The following CR1L variants were observed in gnomAD, a reference collection of about 807,000 sequenced individuals.
CR1L encodes the protein complement component receptor 1-like protein.
A neutral mutation model predicts 62.3 loss-of-function variants in CR1L; 59 were observed. The ratio of observed to expected loss-of-function variants is 0.95; its 90% CI spans 0.77 to 1.18. The LOEUF is 1.18. Ranked by LOEUF, CR1L falls within the 50% of genes most tolerant of loss-of-function variation. The probability of loss-of-function intolerance (pLI) is 0.00; values close to 1 mark genes in which losing one functional copy is unlikely to be tolerated. For synonymous variants in CR1L, 279 were observed against 248.7 expected (o/e 1.12, Z -1.15); for missense variants, 700 against 702.8 (o/e 1.00, Z 0.04).
chr1:207,657,224 C>T, intron 1 of CR1L: 1 of 1,447,994 alleles, frequency 6.9e-7, no homozygotes, highest in Non-Finnish European at 9.7e-7. Flanking sequence ...TAGTTGTGAT[C>T]CTGCACCTGG....
In CR1L at chr1:207,711,166, G is replaced by A. The variant is rs550770120; in HGVS notation, c.1414+2903G>A. 7.9e-5 allele frequency among the ~76,000 whole-genome samples: 12 copies of A among 152,248 alleles called. No homozygotes were observed. In the East Asian group the frequency reaches 2.3e-3, roughly 29 times the overall value. Reference sequence around the variant, plus strand: ...TAAAACAACACTGTCTTATTTAAGGGCTTGTGTTTTTGATGGCTCATCTTG... The same window carrying A: ...TAAAACAACACTGTCTTATTTAAGGACTTGTGTTTTTGATGGCTCATCTTG... On this transcript the variant is annotated intron_variant, in intron 10 of 11. Transcript: ENST00000508064.
chr1:207,695,652 C>T (rs1664067434), intron 5 of CR1L, among the ~76,000 whole-genome samples: 1 of 152,166 alleles, frequency 6.6e-6, no homozygotes, highest in Non-Finnish European at 1.5e-5. Context: ...AAAGAACTAC[C>T]TGAGACTGGG....
At position 207,694,736 on chromosome 1, in the gene CR1L, C is replaced by A; in HGVS notation, c.847C>A (p.Pro283Thr). ...QALNKWEPELPSCSRVCQPPP... is the reference protein window; with the variant it reads ...QALNKWEPELTSCSRVCQPPP... ...CCTGAACAAATGGGAGCCAGAGTTA[C>A]CAAGCTGCTCCAGGGGTGAGTCTGA... Residue 283 changes from proline (P) to threonine (T), a missense_variant, in exon 5 of 12, where the codon CCA becomes ACA. Coordinates refer to ENST00000508064, the MANE Select transcript of CR1L (RefSeq NM_175710.2). 6.2e-7 allele frequency: 1 copy of A among 1,611,892 alleles called. No individual in the cohort carries two copies. Among genetic ancestry groups the A allele is most frequent in the Non-Finnish European group, 8.5e-7 (1 of 1,179,730 alleles).
chr1:207,654,803 G>C (rs1014465885), intron 1 of CR1L, among the ~76,000 whole-genome samples: 28 of 152,166 alleles, frequency 1.8e-4, no homozygotes, highest in Admixed American at 6.5e-5. Context: ...CTAGTAAGTT[G>C]GGAAGCAGAG....
In CR1L at chr1:207,684,046, T is replaced by C. The variant is rs556780767; in HGVS notation, c.463+89T>C. On this transcript the variant is annotated intron_variant, in intron 4 of 11. Coordinates refer to ENST00000508064, the MANE Select transcript of CR1L (RefSeq NM_175710.2). Reference sequence around the variant, plus strand: ...AAAAATCTTAACCGAATTCCTTCTGTGCAATCTGTACTTCACATGGCTGAA... The same window carrying C: ...AAAAATCTTAACCGAATTCCTTCTGCGCAATCTGTACTTCACATGGCTGAA... 4.0e-5 allele frequency: 51 copies of C among 1,265,788 alleles called. No individual in the cohort carries two copies. The South Asian group carries it at 6.8e-4, about 17-fold the overall frequency. The allele number at this position is 1,265,788 out of a possible 1,614,324, so 78.4% of individuals were successfully genotyped here. A position where few individuals can be genotyped will look rare whatever the true frequency, so the allele number is the denominator to read the frequency against.
At chr1:207,667,452 C>T (rs1475065009) in intron 1 of CR1L, among the ~76,000 whole-genome samples, 1 of 152,172 alleles carries the variant, frequency 6.6e-6, no homozygotes, top group Non-Finnish European at 1.5e-5. Context: ...TATTACCTTC[C>T]TCTTATAAGG....
intron 3 of CR1L, among the ~76,000 whole-genome samples, chr1:207,680,544 A>ATT (rs61550356): frequency 0.12 from 17,741 of 151,346 alleles, 1,344 homozygotes; most frequent in East Asian, 0.38. Context: ...AAATAAAAAA[A>ATT]TTTTTTTTTT....
chr1:207,655,710 T>A (rs1663297797), intron 1 of CR1L, among the ~76,000 whole-genome samples: 1 of 152,136 alleles, frequency 6.6e-6, no homozygotes, highest in African/African-American at 2.4e-5. Context: ...AGTGCTGGGA[T>A]TACAAATGTG....
intron 1 of CR1L, chr1:207,657,317 A>T: frequency 9.2e-7 from 1 of 1,081,248 alleles, no homozygotes; most frequent in Non-Finnish European, 1.4e-6. Context: ...TCCAGAGTGT[A>T]AAAGTCACCT....
At chr1:207,658,972 G>T (rs903726598) in intron 1 of CR1L, 7 of 152,336 alleles carry the variant, frequency 4.6e-5, no homozygotes, top group African/African-American at 1.2e-4. Flanking sequence ...CAGTTCTTAC[G>T]ACAACCTGGA....
At chr1:207,649,496 T>C (rs1663189202) in intron 1 of CR1L, among the ~76,000 whole-genome samples, 1 of 152,150 alleles carries the variant, frequency 6.6e-6, no homozygotes, top group South Asian at 2.1e-4. Context: ...CAAACTAGGG[T>C]TGTTTTAATT....
chr1:207,679,430 G>T lies in CR1L; in HGVS notation c.377+1133G>T, dbSNP rs573128896. Among the ~76,000 whole-genome samples the T allele has an allele frequency of 3.0e-4, 46 of 152,156 alleles. 1 individual carries two copies. In the East Asian group the frequency reaches 8.1e-3, roughly 27 times the overall value. ...AAATAAGGTCACATTAATAGGAACTGGGGATTAAGACATCCATATATTTCA... is the reference window on the plus strand; with the variant it reads ...AAATAAGGTCACATTAATAGGAACTTGGGATTAAGACATCCATATATTTCA... On this transcript the variant is annotated intron_variant, in intron 3 of 11. Transcript: ENST00000508064.
chr1:207,701,692 A>C, intron 9 of CR1L, 74 bp downstream of exon 9: 1 of 1,596,708 alleles, frequency 6.3e-7, no homozygotes, highest in Non-Finnish European at 8.6e-7. Flanking sequence ...CATCTCAGGA[A>C]GGAAACTAGG....
At chr1:207,686,832 T>A (rs1663918927) in intron 4 of CR1L, among the ~76,000 whole-genome samples, 1 of 152,184 alleles carries the variant, frequency 6.6e-6, no homozygotes, top group South Asian at 2.1e-4. Flanking sequence ...GGTGATGAGA[T>A]CATGAGAGCA....
chr1:207,682,362 C>T (rs1478558396), intron 3 of CR1L, among the ~76,000 whole-genome samples: 1 of 152,010 alleles, frequency 6.6e-6, no homozygotes, highest in East Asian at 1.9e-4. Flanking sequence ...ATCCCAGCTA[C>T]TTGAGAGGCT....
intron 1 of CR1L, among the ~76,000 whole-genome samples, chr1:207,672,286 G>A (rs78674318): frequency 0.02 from 3,064 of 150,576 alleles, 292 homozygotes; most frequent in African/African-American, 0.072. Flanking sequence ...TAGGAATAAA[G>A]AGGGTCATCA....
chr1:207,657,075 G>C (rs1410803060), intron 1 of CR1L: 1 of 602,950 alleles, frequency 1.7e-6, no homozygotes, highest in Non-Finnish European at 3.0e-6. Flanking sequence ...TTTTACTAAT[G>C]CTGCCTTAAT....
chr1:207,702,713 A>G (rs532160241), intron 9 of CR1L, among the ~76,000 whole-genome samples: 93 of 152,366 alleles, frequency 6.1e-4, no homozygotes, highest in Non-Finnish European at 1.2e-3. Flanking sequence ...TCCTTAAGCT[A>G]AAGCCTAATC....
chr1:207,712,763 G>T (rs562447121), intron 10 of CR1L, among the ~76,000 whole-genome samples: 4 of 152,190 alleles, frequency 2.6e-5, no homozygotes, highest in South Asian at 4.1e-4. Context: ...TTTTCTTCTC[G>T]TGAAATCCTG....
Sources: allele counts gnomAD v4.1 joint callset (sites outside exome capture counted in the v4.1 genomes callset), GRCh38; gene constraint gnomAD v4.1.1; transcripts MANE v1.5; gene names NCBI Gene and HGNC (gene_info 2026-07-23, HGNC 2026-07-21).